SAMMSON: variants seen among roughly 807,000 people sequenced by gnomAD.
SAMMSON encodes survival associated mitochondrial melanoma specific oncogenic non-coding RNA, also known as long intergenic non-protein coding RNA 1212.
chr3:70,138,519 T>C (rs1276885009), intron 4 of SAMMSON, among the ~76,000 whole-genome samples: 1 of 152,224 alleles, frequency 6.6e-6, no homozygotes, highest in African/African-American at 2.4e-5. Flanking sequence ...GCAAAGGCCC[T>C]ACATTTTAAT....
At chr3:70,233,551 C>T (rs1052352847) in intron 4 of SAMMSON, among the ~76,000 whole-genome samples, 1 of 152,168 alleles carries the variant, frequency 6.6e-6, no homozygotes, top group Non-Finnish European at 1.5e-5. Flanking sequence ...TGACTTTTGA[C>T]ATATGTGTGC....
chr3:70,057,224 A>T (rs1243060728), intron 3 of SAMMSON, among the ~76,000 whole-genome samples: 1 of 152,060 alleles, frequency 6.6e-6, no homozygotes, highest in Non-Finnish European at 1.5e-5. Flanking sequence ...TATTGGGGAA[A>T]GGGGGTTAAA....
At chr3:70,142,657 A>G (rs1296152666) in intron 4 of SAMMSON, among the ~76,000 whole-genome samples, 2 of 152,136 alleles carry the variant, frequency 1.3e-5, no homozygotes, top group Admixed American at 1.3e-4. Context: ...CATGTAACCA[A>G]ACACCACCAG....
chr3:70,040,095 C>A (rs2067100797), intron 3 of SAMMSON, among the ~76,000 whole-genome samples: 1 of 152,062 alleles, frequency 6.6e-6, no homozygotes, highest in African/African-American at 2.4e-5. Flanking sequence ...TCCCTACTTA[C>A]CAGCTGAGCA....
chr3:70,427,920 G>A (rs889525657), intron 2 of SAMMSON, among the ~76,000 whole-genome samples: 63 of 152,078 alleles, frequency 4.1e-4, no homozygotes, highest in African/African-American at 1.4e-3. Context: ...TTAATATTTA[G>A]AACCAGTTGT....
chr3:70,339,604 G>C (rs1702694404), intron 7 of SAMMSON, among the ~76,000 whole-genome samples: 1 of 152,174 alleles, frequency 6.6e-6, no homozygotes, highest in Admixed American at 6.5e-5. Context: ...GATATGAACA[G>C]ATACTTCTGA....
intron 3 of SAMMSON, chr3:70,065,397 G>GGGCT (rs1394236520): frequency 2.0e-5 from 3 of 152,006 alleles, no homozygotes; most frequent in Non-Finnish European, 4.4e-5. Context: ...GACGAGGATG[G>GGGCT]GGCTCTAGCA....
intron 6 of SAMMSON, among the ~76,000 whole-genome samples, chr3:70,266,820 A>C (rs1447903965): frequency 6.6e-6 from 1 of 152,234 alleles, no homozygotes; most frequent in Admixed American, 6.5e-5. Context: ...AGTAGATATC[A>C]GTCCAGAAGG....
intron 9 of SAMMSON, among the ~76,000 whole-genome samples, chr3:70,363,093 A>G (rs533806214): frequency 6.6e-6 from 1 of 152,232 alleles, no homozygotes; most frequent in East Asian, 1.9e-4. Flanking sequence ...TGAAAGGTAA[A>G]GAAGAATAGA....
intron 9 of SAMMSON, among the ~76,000 whole-genome samples, chr3:70,365,562 T>A (rs1702913991): frequency 6.6e-6 from 1 of 151,816 alleles, no homozygotes; most frequent in Non-Finnish European, 1.5e-5. Context: ...ACCTGACTAC[T>A]CCTATTTGGA....
chr3:70,053,970 G>A (rs560806490), intron 3 of SAMMSON, among the ~76,000 whole-genome samples: 1 of 152,034 alleles, frequency 6.6e-6, no homozygotes, highest in East Asian at 1.9e-4. Context: ...AATTTACTGT[G>A]TGCATAACAA....
chr3:70,209,158 A>T (rs892118337), intron 4 of SAMMSON, among the ~76,000 whole-genome samples: 1 of 152,086 alleles, frequency 6.6e-6, no homozygotes, highest in African/African-American at 2.4e-5. Flanking sequence ...GGACATTCAA[A>T]TGATGTCTTA....
chr3:70,045,141 T>TA (rs2067121363), intron 3 of SAMMSON, among the ~76,000 whole-genome samples: 1 of 130,760 alleles, frequency 7.6e-6, no homozygotes, highest in African/African-American at 2.8e-5. Context: ...ATATTATAAT[T>TA]TATATATATT....
chr3:70,375,819 G>A (rs913696387), intron 9 of SAMMSON, among the ~76,000 whole-genome samples: 10 of 151,928 alleles, frequency 6.6e-5, no homozygotes, highest in South Asian at 2.1e-4. Flanking sequence ...GACTCTCTCC[G>A]GTATTCACTG....
intron 3 of SAMMSON, among the ~76,000 whole-genome samples, chr3:70,061,442 C>T (rs769810126): frequency 1.3e-5 from 2 of 152,142 alleles, no homozygotes; most frequent in Non-Finnish European, 2.9e-5. Context: ...ACAACATACA[C>T]ATCGAGAGAC....
intron 4 of SAMMSON, among the ~76,000 whole-genome samples, chr3:70,148,815 G>C (rs2067559679): frequency 6.6e-6 from 1 of 152,010 alleles, no homozygotes; most frequent in Non-Finnish European, 1.5e-5. Context: ...CCAACACTGG[G>C]GATCAAATTT....
At chr3:70,290,575 T>C (rs945222252) in intron 6 of SAMMSON, among the ~76,000 whole-genome samples, 3 of 152,224 alleles carry the variant, frequency 2.0e-5, no homozygotes, top group South Asian at 2.1e-4. Context: ...CCTTGAGCTG[T>C]GGTGGGCTCC....
At chr3:70,083,657 C>T (rs1452089203) in intron 4 of SAMMSON, among the ~76,000 whole-genome samples, 3 of 152,126 alleles carry the variant, frequency 2.0e-5, no homozygotes, top group African/African-American at 7.2e-5. Context: ...TGGCTGCCTT[C>T]CTTTCTTTCC....
At chr3:70,214,181 G>T (rs1396244905) in intron 4 of SAMMSON, among the ~76,000 whole-genome samples, 1 of 151,960 alleles carries the variant, frequency 6.6e-6, no homozygotes, top group East Asian at 1.9e-4. Context: ...ATCTAATTGG[G>T]GAGGGAGGAT....
Sources: allele counts gnomAD v4.1 joint callset (sites outside exome capture counted in the v4.1 genomes callset), GRCh38; gene constraint gnomAD v4.1.1; transcripts MANE v1.5; gene names NCBI Gene and HGNC (gene_info 2026-07-23, HGNC 2026-07-21).